The following PDCD1LG2 variants were observed in gnomAD, a reference collection of about 807,000 sequenced individuals.
PDCD1LG2 encodes B7 dendritic cell molecule.
In PDCD1LG2, 32 loss-of-function variants were observed where a neutral mutation model predicts 28.2. That is an observed-to-expected ratio of 1.13 (90% CI 0.86 to 1.52). The LOEUF (loss-of-function observed/expected upper bound fraction) is 1.52, where lower values mean the gene tolerates loss of function less well. Among genes scored for constraint, PDCD1LG2 ranks in the 40% most tolerant of loss-of-function variants. The pLI is 0.00. For missense variants in PDCD1LG2, 385 were observed against 323.8 expected (o/e 1.19, Z -1.45); for synonymous variants, 116 against 120.2 (o/e 0.97, Z 0.23).
At chr9:5,523,373 GC>G (rs1820313606) in intron 2 of PDCD1LG2, among the ~76,000 whole-genome samples, 1 of 152,196 alleles carries the variant, frequency 6.6e-6, no homozygotes, top group African/African-American at 2.4e-5. Context: ...AATAGCCCCA[GC>G]CCCATGGGAA....
Position 5,570,202 on chromosome 9 carries a change from T to G in PDCD1LG2, c.*243T>G. The G allele has an allele frequency of 2.2e-6, 1 of 450,560 alleles. No individual in the cohort carries two copies. Among genetic ancestry groups the G allele is most frequent in the East Asian group, 3.1e-5 (1 of 32,474 alleles). The allele number at this position is 450,560 out of a possible 1,614,324, so 27.9% of individuals were successfully genotyped here. A position where few individuals can be genotyped will look rare whatever the true frequency, so the allele number is the denominator to read the frequency against. ...GCTTTAAGCAAGCACTACTGCACTT[T>G]ACAGAATTACCCCACTGGATCCTGG... On this transcript the variant is annotated 3_prime_UTR_variant, in exon 7 of 7. Transcript: ENST00000397747.
intron 2 of PDCD1LG2, among the ~76,000 whole-genome samples, chr9:5,533,677 C>T (rs1219802204): frequency 6.6e-6 from 1 of 152,054 alleles, no homozygotes; most frequent in Non-Finnish European, 1.5e-5. Flanking sequence ...CATCTAAAAT[C>T]ATCTTACATA....
chr9:5,539,450 C>T (rs1042928871), intron 3 of PDCD1LG2, among the ~76,000 whole-genome samples: 2 of 152,244 alleles, frequency 1.3e-5, no homozygotes, highest in Non-Finnish European at 1.5e-5. Flanking sequence ...ATAGCACCTT[C>T]GTTGATGTCT....
At chr9:5,568,309 G>C (rs377151439) in intron 6 of PDCD1LG2, among the ~76,000 whole-genome samples, 127 of 152,338 alleles carry the variant, frequency 8.3e-4, no homozygotes, top group African/African-American at 2.9e-3. Flanking sequence ...AGGTGAGCGG[G>C]AGACAAGCGG....
At chr9:5,525,451 T>A (rs1160079633) in intron 2 of PDCD1LG2, among the ~76,000 whole-genome samples, 1 of 151,662 alleles carries the variant, frequency 6.6e-6, no homozygotes, top group Admixed American at 6.6e-5. Flanking sequence ...GGAGTAGGTC[T>A]AGAAGAACTT....
At position 5,569,956 on chromosome 9, in the gene PDCD1LG2, C is replaced by G. The variant is rs2129975511; in HGVS notation, c.819C>G (p.Ile273Met). 1 of 1,614,006 alleles carries G rather than the reference C, an allele frequency of 6.2e-7. No individual in the cohort carries two copies. Among genetic ancestry groups the G allele is most frequent in the Non-Finnish European group, 8.5e-7 (1 of 1,179,870 alleles). ...TATTTGTGGGCTTTTCTCCCCAGAT[C>G]TGAACCTGTGGTCTTGGGAGCCAGG... ...TTTKREVNSA[I>M] The change falls in exon 7 of 7, where the codon ATC becomes ATG. Residue 273 changes from isoleucine (I) to methionine (M), a missense_variant and splice_region_variant. By Grantham distance (10) the Ile-to-Met change is conservative. Coordinates refer to ENST00000397747, the MANE Select transcript of PDCD1LG2 (RefSeq NM_025239.4). The surrounding 1 kb of genome is among the most constrained non-coding windows in gnomAD (Gnocchi z 4.1).
intron 5 of PDCD1LG2, among the ~76,000 whole-genome samples, chr9:5,562,326 T>G (rs1035728658): frequency 6.6e-6 from 1 of 152,206 alleles, no homozygotes; most frequent in Non-Finnish European, 1.5e-5. Flanking sequence ...AATGAGATAA[T>G]GTGTTTTGCA....
At chr9:5,535,179 G>T in intron 3 of PDCD1LG2, 129 bp downstream of exon 3, 1 of 842,484 alleles carries the variant, frequency 1.2e-6, no homozygotes, top group Non-Finnish European at 1.8e-6. Context: ...AGCTATTTCA[G>T]AGAAAATGAA....
intron 1 of PDCD1LG2, among the ~76,000 whole-genome samples, chr9:5,516,993 C>G (rs986101470): frequency 6.6e-6 from 1 of 152,168 alleles, no homozygotes; most frequent in African/African-American, 2.4e-5. Context: ...GGCGGGACTC[C>G]CACCTGTTCT....
rs573519376 is a variant in PDCD1LG2, at chr9:5,571,141, G to A, written c.*1182G>A. On this transcript the variant is annotated 3_prime_UTR_variant, in exon 7 of 7. Transcript: ENST00000397747. ...TAACTGAGCAAAATTTGGGGCTTATGAGAATGAAAGGGTGTGAAATTGACT... is the reference window on the plus strand; with the variant it reads ...TAACTGAGCAAAATTTGGGGCTTATAAGAATGAAAGGGTGTGAAATTGACT... 6 of 232,838 alleles carry A rather than the reference G, an allele frequency of 2.6e-5. No individual in the cohort carries two copies. The highest frequency in any genetic ancestry group is 1.8e-4 in the South Asian group (1 of 5,524). The allele number at this position is 232,838 out of a possible 1,614,324, so 14.4% of individuals were successfully genotyped here. A position where few individuals can be genotyped will look rare whatever the true frequency, so the allele number is the denominator to read the frequency against.
intron 1 of PDCD1LG2, among the ~76,000 whole-genome samples, chr9:5,514,409 A>G (rs1376300256): frequency 6.6e-6 from 1 of 152,188 alleles, no homozygotes; most frequent in Non-Finnish European, 1.5e-5. Context: ...CCAAGAAGTG[A>G]AACTGCTAGA....
chr9:5,527,325 T>C (rs1176896490), intron 2 of PDCD1LG2, among the ~76,000 whole-genome samples: 2 of 152,194 alleles, frequency 1.3e-5, no homozygotes, highest in Non-Finnish European at 2.9e-5. Flanking sequence ...TTCACCCAAG[T>C]CTTAAGTCCA....
intron 2 of PDCD1LG2, among the ~76,000 whole-genome samples, chr9:5,531,646 G>T (rs762522589): frequency 6.6e-6 from 1 of 152,174 alleles, no homozygotes; most frequent in African/African-American, 2.4e-5. Flanking sequence ...GCTAAGGGGA[G>T]TTCCAGAGGA....
intron 3 of PDCD1LG2, among the ~76,000 whole-genome samples, chr9:5,538,324 A>G (rs1396543498): frequency 6.6e-6 from 1 of 152,088 alleles, no homozygotes; most frequent in Non-Finnish European, 1.5e-5. Context: ...AATATGTAAT[A>G]TTGTTTTAGA....
chr9:5,558,950 C>A (rs1344465324), intron 5 of PDCD1LG2, among the ~76,000 whole-genome samples: 1 of 152,208 alleles, frequency 6.6e-6, no homozygotes. Context: ...TTAAATAGAA[C>A]CACTTCAGAG....
At chr9:5,522,854 C>G (rs1820303082) in intron 2 of PDCD1LG2, among the ~76,000 whole-genome samples, 1 of 152,006 alleles carries the variant, frequency 6.6e-6, no homozygotes, top group Non-Finnish European at 1.5e-5. Context: ...AGGGTAATGA[C>G]AAGAAGACAG....
At chr9:5,520,816 A>G (rs1820258921) in intron 1 of PDCD1LG2, among the ~76,000 whole-genome samples, 2 of 152,336 alleles carry the variant, frequency 1.3e-5, no homozygotes, top group Admixed American at 6.5e-5. Flanking sequence ...CAATTCCTCA[A>G]AAAGTTAAAT....
In PDCD1LG2 at chr9:5,527,118, A is replaced by C. The variant is rs535274256; in HGVS notation, c.55+4517A>C. Among the ~76,000 whole-genome samples the C allele has an allele frequency of 5.3e-5, 8 of 152,360 alleles. No homozygotes were observed. The South Asian group carries it at 8.3e-4, about 16-fold the overall frequency. On this transcript the variant is annotated intron_variant, in intron 2 of 6. Coordinates refer to ENST00000397747, the MANE Select transcript of PDCD1LG2 (RefSeq NM_025239.4). ...TTGAAGTGAAAAATTAGGGTAAAAC[A>C]TTTTATATCATTTTTAAAGGATATA...
chr9:5,511,722 T>G (rs1820062696), intron 1 of PDCD1LG2, among the ~76,000 whole-genome samples: 1 of 152,230 alleles, frequency 6.6e-6, no homozygotes, highest in African/African-American at 2.4e-5. Flanking sequence ...CTGGTCCTGC[T>G]GCTCTTGCCA....
Sources: allele counts gnomAD v4.1 joint callset (sites outside exome capture counted in the v4.1 genomes callset), GRCh38; gene constraint gnomAD v4.1.1; non-coding constraint Gnocchi (gnomAD v3.1); transcripts MANE v1.5; gene names NCBI Gene and HGNC (gene_info 2026-07-23, HGNC 2026-07-21).